NLGN1: variants seen among roughly 807,000 people sequenced by gnomAD.
NLGN1 encodes neuroligin-1.
Under a neutral mutation model 65.5 loss-of-function variants are expected in NLGN1, and 12 were observed. The observed-to-expected ratio is 0.18, with a 90% CI of 0.12 to 0.30. The LOEUF (loss-of-function observed/expected upper bound fraction) is 0.30, where lower values mean the gene tolerates loss of function less well. NLGN1 is among the 10% of genes least tolerant of loss of function. The probability of loss-of-function intolerance (pLI) is 1.00; values close to 1 mark genes in which losing one functional copy is unlikely to be tolerated. For synonymous variants in NLGN1, 350 were observed against 359.5 expected (o/e 0.97, Z 0.30); for missense variants, 750 against 1,007.1 (o/e 0.74, Z 3.46).
intron 4 of NLGN1, among the ~76,000 whole-genome samples, chr3:174,274,404 A>AAAAC (rs1255781875): frequency 7.9e-5 from 12 of 151,844 alleles, no homozygotes; most frequent in Non-Finnish European, 1.0e-4. Context: ...TTTCATATGT[A>AAAAC]AAACAGTTAC....
At chr3:173,960,362 G>A (rs1305039892) in intron 4 of NLGN1, among the ~76,000 whole-genome samples, 1 of 151,932 alleles carries the variant, frequency 6.6e-6, no homozygotes, top group Non-Finnish European at 1.5e-5. Flanking sequence ...TGCTAAAAAT[G>A]TTTGATATAT....
At chr3:173,748,485 T>G (rs1030572279) in intron 3 of NLGN1, among the ~76,000 whole-genome samples, 6 of 152,218 alleles carry the variant, frequency 3.9e-5, no homozygotes, top group African/African-American at 1.4e-4. Context: ...AAGAAACTGG[T>G]TGGATTTTAA....
At chr3:174,036,629 G>A (rs1731197435) in intron 4 of NLGN1, among the ~76,000 whole-genome samples, 1 of 150,662 alleles carries the variant, frequency 6.6e-6, no homozygotes, top group Non-Finnish European at 1.5e-5. Context: ...AAGTTCAGGG[G>A]TACATGTGCA....
intron 4 of NLGN1, among the ~76,000 whole-genome samples, chr3:174,232,979 A>G (rs59332174): frequency 0.027 from 4,158 of 152,320 alleles, 188 homozygotes; most frequent in African/African-American, 0.095. Flanking sequence ...TGACAAAGAA[A>G]TATATTTTGG....
intron 3 of NLGN1, among the ~76,000 whole-genome samples, chr3:173,787,440 T>C (rs372147021): frequency 6.6e-5 from 10 of 152,326 alleles, no homozygotes; most frequent in African/African-American, 2.4e-4. Context: ...TGGAAATGCA[T>C]TTATATTGGT....
intron 3 of NLGN1, among the ~76,000 whole-genome samples, chr3:173,707,524 T>A (rs566929325): frequency 2.2e-4 from 33 of 152,094 alleles, no homozygotes; most frequent in African/African-American, 7.9e-4. Flanking sequence ...TTATTACAAA[T>A]AAGATTTCTG....
intron 4 of NLGN1, among the ~76,000 whole-genome samples, chr3:174,273,803 A>G (rs570681242): frequency 6.6e-5 from 10 of 151,822 alleles, no homozygotes; most frequent in Middle Eastern, 3.4e-3. Context: ...ATAACTAAGC[A>G]CTTTCATTTC....
chr3:173,470,588 G>A (rs1180528402), intron 2 of NLGN1, among the ~76,000 whole-genome samples: 1 of 151,942 alleles, frequency 6.6e-6, no homozygotes, highest in Non-Finnish European at 1.5e-5. Context: ...TCTTCTGTTT[G>A]TTCTTCTGTA....
intron 4 of NLGN1, among the ~76,000 whole-genome samples, chr3:174,017,875 AT>A (rs1726930073): frequency 6.6e-6 from 1 of 152,158 alleles, no homozygotes; most frequent in Non-Finnish European, 1.5e-5. Context: ...ACGTGTTGTC[AT>A]TGATAACATC....
At chr3:174,257,197 C>T (rs562502861) in intron 4 of NLGN1, among the ~76,000 whole-genome samples, 3 of 152,196 alleles carry the variant, frequency 2.0e-5, no homozygotes, top group African/African-American at 7.2e-5. Context: ...AAATCAAAAT[C>T]GCAATGAGAT....
intron 4 of NLGN1, among the ~76,000 whole-genome samples, chr3:174,101,617 A>G (rs1176630568): frequency 6.6e-6 from 1 of 152,172 alleles, no homozygotes; most frequent in East Asian, 1.9e-4. Flanking sequence ...TGTTCTAATG[A>G]TATGTTACTT....
At chr3:173,412,477 A>G (rs565215547) in intron 1 of NLGN1, among the ~76,000 whole-genome samples, 1 of 152,268 alleles carries the variant, frequency 6.6e-6, no homozygotes, top group South Asian at 2.1e-4. Context: ...AGGAAAATAG[A>G]ATGTATTTAT....
intron 4 of NLGN1, among the ~76,000 whole-genome samples, chr3:174,264,675 C>T (rs372500829): frequency 0.14 from 20,859 of 146,280 alleles, 1,833 homozygotes; most frequent in East Asian, 0.46. Context: ...AGCCTTCTCC[C>T]CTCAGCTCGT....
intron 4 of NLGN1, among the ~76,000 whole-genome samples, chr3:174,011,451 A>G (rs1294595234): frequency 1.3e-5 from 2 of 152,184 alleles, no homozygotes; most frequent in African/African-American, 4.8e-5. Context: ...AAGTATCTAT[A>G]TTCACAGTTT....
chr3:173,994,338 G>A (rs1030546243), intron 4 of NLGN1, among the ~76,000 whole-genome samples: 2 of 151,750 alleles, frequency 1.3e-5, no homozygotes, highest in African/African-American at 4.8e-5. Flanking sequence ...CAGGCTATCT[G>A]CCTGCCTCAG....
intron 3 of NLGN1, among the ~76,000 whole-genome samples, chr3:173,775,534 T>C (rs1482129418): frequency 6.6e-6 from 1 of 152,170 alleles, no homozygotes; most frequent in Non-Finnish European, 1.5e-5. Flanking sequence ...AAATTTGTTA[T>C]ATAACATATG....
chr3:174,141,894 GTTA>G (rs1278330499), intron 4 of NLGN1, among the ~76,000 whole-genome samples: 2 of 152,100 alleles, frequency 1.3e-5, no homozygotes, highest in African/African-American at 4.8e-5. Flanking sequence ...CATGAAAAAT[GTTA>G]TTATTTGATA....
intron 4 of NLGN1, among the ~76,000 whole-genome samples, chr3:174,019,692 C>T (rs1470392443): frequency 6.6e-6 from 1 of 152,030 alleles, no homozygotes; most frequent in South Asian, 2.1e-4. Flanking sequence ...TCTTCTCATT[C>T]ATTTGGGTTT....
At chr3:173,734,862 G>A (rs564402184) in intron 3 of NLGN1, among the ~76,000 whole-genome samples, 1 of 152,168 alleles carries the variant, frequency 6.6e-6, no homozygotes, top group Admixed American at 6.5e-5. Context: ...GACTCAAAGT[G>A]ATCAGGACAA....
Sources: gnomAD v4.1 joint callset for allele counts (sites outside exome capture counted in the v4.1 genomes callset) on GRCh38, gnomAD v4.1.1 for gene constraint, MANE v1.5 for transcripts, NCBI Gene and HGNC (gene_info 2026-07-23, HGNC 2026-07-21) for gene names.